SLC7A2: variants seen among roughly 807,000 people sequenced by gnomAD.
SLC7A2 encodes solute carrier family 7 member 2, also known as cationic amino acid transporter 2.
SLC7A2 carries 48 observed loss-of-function variants against 58.9 expected under a neutral mutation model. The observed-to-expected ratio is 0.82, with a 90% CI of 0.65 to 1.04. SLC7A2 has a LOEUF of 1.04. Ranked by LOEUF, SLC7A2 falls within the 50% of genes least tolerant of loss-of-function variation. SLC7A2 has a pLI of 0.00. For missense variants in SLC7A2, 1,029 were observed against 818.8 expected (o/e 1.26, Z -3.13); for synonymous variants, 363 against 314.5 (o/e 1.15, Z -1.63).
chr8:17,522,788 C>T (rs1224461643), intron 2 of SLC7A2, among the ~76,000 whole-genome samples: 1 of 152,132 alleles, frequency 6.6e-6, no homozygotes, highest in African/African-American at 2.4e-5. Context: ...GTCATCTCAA[C>T]ACTTTGGGAA....
intron 2 of SLC7A2, among the ~76,000 whole-genome samples, chr8:17,503,163 G>A (rs1302834146): frequency 6.6e-6 from 1 of 151,890 alleles, no homozygotes; most frequent in Non-Finnish European, 1.5e-5. Flanking sequence ...CCATTCTCCT[G>A]CCTCAGCCTC....
intron 2 of SLC7A2, among the ~76,000 whole-genome samples, chr8:17,513,907 A>G (rs768885795): frequency 2.0e-5 from 3 of 152,174 alleles, no homozygotes; most frequent in Non-Finnish European, 4.4e-5. Context: ...CAACATTTCT[A>G]CCTCTAAAAA....
At chr8:17,527,884 T>C (rs1433398372) in intron 2 of SLC7A2, among the ~76,000 whole-genome samples, 1 of 152,146 alleles carries the variant, frequency 6.6e-6, no homozygotes, top group Non-Finnish European at 1.5e-5. Context: ...ATTCAATACA[T>C]AACAAGGAGT....
At chr8:17,509,441 G>A (rs2150663050) in intron 2 of SLC7A2, among the ~76,000 whole-genome samples, 1 of 152,078 alleles carries the variant, frequency 6.6e-6, no homozygotes, top group South Asian at 2.1e-4. Context: ...AAGTAGCTGG[G>A]TTTACAGGTG....
At chr8:17,507,192 G>A (rs888549786) in intron 2 of SLC7A2, among the ~76,000 whole-genome samples, 20 of 152,004 alleles carry the variant, frequency 1.3e-4, no homozygotes, top group Admixed American at 7.9e-4. Context: ...TGATCCACCC[G>A]CTTCGGCCCC....
chr8:17,561,318 C>G (rs540837753), intron 10 of SLC7A2, among the ~76,000 whole-genome samples: 200 of 152,050 alleles, frequency 1.3e-3, no homozygotes, highest in African/African-American at 4.3e-3. Flanking sequence ...TGGTGGAAGG[C>G]GAAAGGCACA....
intron 2 of SLC7A2, among the ~76,000 whole-genome samples, chr8:17,503,787 G>A (rs998283566): frequency 1.3e-5 from 2 of 152,172 alleles, no homozygotes; most frequent in African/African-American, 4.8e-5. Context: ...ATGATCATAT[G>A]AAACAATACA....
intron 2 of SLC7A2, chr8:17,538,729 A>G (rs1426979970): frequency 1.4e-6 from 2 of 1,464,392 alleles, no homozygotes; most frequent in African/African-American, 1.4e-5. Context: ...ACAGTATGGT[A>G]AAGATCCCTA....
intron 5 of SLC7A2, among the ~76,000 whole-genome samples, chr8:17,549,418 C>A (rs1026598625): frequency 5.9e-5 from 9 of 152,242 alleles, no homozygotes; most frequent in Admixed American, 5.2e-4. Flanking sequence ...TGTGTGAACC[C>A]ATGCAGCTGC....
In SLC7A2 at chr8:17,543,346, C is replaced by A; in HGVS notation, c.7C>A (p.Pro3Thr). 1.2e-6 allele frequency: 2 copies of A among 1,611,148 alleles called. No individual in the cohort carries two copies. The highest frequency in any genetic ancestry group is 1.7e-6 in the Non-Finnish European group (2 of 1,178,742). The change falls in exon 3 of 13, where the codon CCT becomes ACT. Residue 3 changes from proline to threonine, a missense_variant. Physicochemically the swap from Pro to Thr is conservative, Grantham distance 38. Transcript: ENST00000494857. MI[P>T]CRAALTFARC... ...GCCTTCGTCAGACGTCAGAATGATT[C>A]CTTGCAGAGCCGCGCTGACCTTTGC...
At chr8:17,499,758 G>A (rs960463832) in intron 1 of SLC7A2, among the ~76,000 whole-genome samples, 5 of 151,968 alleles carry the variant, frequency 3.3e-5, no homozygotes, top group African/African-American at 9.7e-5. Flanking sequence ...TGTCTAAATG[G>A]GCTTGAAAAT....
intron 2 of SLC7A2, chr8:17,520,910 T>A (rs2150688560): frequency 5.7e-6 from 1 of 176,576 alleles, no homozygotes; most frequent in East Asian, 1.9e-4. Flanking sequence ...TTCTGTTAAT[T>A]GCTTTAAAGT....
intron 4 of SLC7A2, 62 bp from the exon 5 acceptor site, chr8:17,548,616 G>T: frequency 8.4e-7 from 1 of 1,191,948 alleles, no homozygotes; most frequent in Non-Finnish European, 1.2e-6. Flanking sequence ...TCATGTATTT[G>T]CCTCAAAATG....
chr8:17,534,903 C>G (rs372325211), intron 2 of SLC7A2, among the ~76,000 whole-genome samples: 1 of 152,102 alleles, frequency 6.6e-6, no homozygotes, highest in South Asian at 2.1e-4. Flanking sequence ...TTCCTTGACT[C>G]TCAAGGTGGA....
At position 17,562,042 on chromosome 8, in the gene SLC7A2, G is replaced by A. The variant is rs140110447; in HGVS notation, c.1603G>A (p.Val535Ile). Residue 535 changes from valine (V) to isoleucine (I), a missense_variant, in exon 11 of 13, where the codon GTT (valine) becomes ATT (isoleucine). By Grantham distance (29) the Val-to-Ile change is conservative. Coordinates refer to ENST00000494857, the MANE Select transcript of SLC7A2 (RefSeq NM_001370338.1). Reference protein sequence around the residue: ...WSLALLALFLVLFVAIVLTIW... With the variant: ...WSLALLALFLILFVAIVLTIW... ...CCTCGCTCTCCTCGCGCTGTTTCTT[G>A]TTCTCTTCGTTGCCATCGTTCTCAC... 599 of 1,614,018 alleles carry A rather than the reference G, an allele frequency of 3.7e-4. 3 individuals are homozygous for A. The African/African-American group carries it at 5.8e-3, about 16-fold the overall frequency.
chr8:17,523,280 G>C (rs1385474646), intron 2 of SLC7A2, among the ~76,000 whole-genome samples: 1 of 151,980 alleles, frequency 6.6e-6, no homozygotes, highest in African/African-American at 2.4e-5. Context: ...AATCCTAATA[G>C]AACCAAAAAA....
At chr8:17,553,924 T>C (rs1169208810) in intron 7 of SLC7A2, among the ~76,000 whole-genome samples, 1 of 152,232 alleles carries the variant, frequency 6.6e-6, no homozygotes, top group Admixed American at 6.5e-5. Context: ...AAAAACTGTC[T>C]TACTAAACTT....
At position 17,566,558 on chromosome 8, in the gene SLC7A2, T is replaced by C. The variant is rs891365647; in HGVS notation, c.*1412T>C. On this transcript the variant is annotated 3_prime_UTR_variant, in exon 13 of 13. Transcript: ENST00000494857. ...GTGTTATACAATAACCCATCAGTGA[T>C]TGGGGAATCAAACATTTTGGTTTAA... 2.6e-5 allele frequency: 4 copies of C among 152,178 alleles called. No homozygotes were observed. Among genetic ancestry groups the C allele is most frequent in the Non-Finnish European group, 4.4e-5 (3 of 68,034 alleles). 9.4% of individuals were successfully genotyped at this position (152,178 alleles called of 1,614,324 possible).
intron 2 of SLC7A2, among the ~76,000 whole-genome samples, chr8:17,513,353 AAGGG>A (rs1281725884): frequency 6.8e-4 from 104 of 152,172 alleles, no homozygotes; most frequent in African/African-American, 2.2e-3. Context: ...TAGTCATCCT[AAGGG>A]ATACTGAAGT....
Sources: gnomAD v4.1 joint callset for allele counts (sites outside exome capture counted in the v4.1 genomes callset) on GRCh38, gnomAD v4.1.1 for gene constraint, MANE v1.5 for transcripts, NCBI Gene and HGNC (gene_info 2026-07-23, HGNC 2026-07-21) for gene names.